The following ZNF638 variants were observed in gnomAD, a reference collection of about 807,000 sequenced individuals.
ZNF638 encodes the protein CTCL tumor antigen se33-1.
A neutral mutation model predicts 195.6 loss-of-function variants in ZNF638; 46 were observed. That is an observed-to-expected ratio of 0.24 (90% CI 0.19 to 0.30). ZNF638 has a LOEUF of 0.30. Among genes scored for constraint, ZNF638 ranks in the 10% least tolerant of loss-of-function variants. The pLI is 1.00. For synonymous variants in ZNF638, 845 were observed against 772.0 expected (o/e 1.09, Z -1.57); for missense variants, 2,440 against 2,325.3 (o/e 1.05, Z -1.01).
At chr2:71,384,291 A>G (rs2079593253) in intron 10 of ZNF638, among the ~76,000 whole-genome samples, 1 of 152,140 alleles carries the variant, frequency 6.6e-6, no homozygotes, top group African/African-American at 2.4e-5. Context: ...TTTATTATAC[A>G]CGTTGTTGCC....
intron 8 of ZNF638, among the ~76,000 whole-genome samples, chr2:71,378,761 A>G (rs1223709058): frequency 6.6e-6 from 1 of 152,206 alleles, no homozygotes. Context: ...AAGGTGATAT[A>G]TGAGCAAACA....
intron 1 of ZNF638, 26 bp from the exon 2 acceptor site, chr2:71,348,727 T>C: frequency 1.3e-6 from 2 of 1,496,118 alleles, no homozygotes; most frequent in Non-Finnish European, 1.8e-6. Context: ...GTTAAAATGA[T>C]CTAATATTTG....
chr2:71,406,395 A>T (rs2080106137), intron 19 of ZNF638, 133 bp downstream of exon 19: 1 of 780,776 alleles, frequency 1.3e-6, no homozygotes, highest in Admixed American at 2.9e-5. Flanking sequence ...ATTATTATAA[A>T]CCAGAATATT....
At chr2:71,362,696 C>T (rs916292934) in intron 3 of ZNF638, among the ~76,000 whole-genome samples, 7 of 152,176 alleles carry the variant, frequency 4.6e-5, no homozygotes, top group Admixed American at 3.3e-4. Flanking sequence ...ACTTGAAAAG[C>T]AACCCTTTCT....
intron 10 of ZNF638, chr2:71,388,468 C>G (rs916668558): frequency 5.8e-6 from 4 of 691,360 alleles, no homozygotes; most frequent in Non-Finnish European, 1.1e-5. Context: ...TGGCTCCAGG[C>G]CTTTGTCATT....
chr2:71,382,042 C>A (rs2079543023), intron 10 of ZNF638, among the ~76,000 whole-genome samples: 1 of 151,864 alleles, frequency 6.6e-6, no homozygotes, highest in South Asian at 2.1e-4. Flanking sequence ...GTAAAATTTG[C>A]ATTTTATTAT....
At chr2:71,407,409 G>A (rs891452214) in intron 19 of ZNF638, 2 of 152,218 alleles carry the variant, frequency 1.3e-5, no homozygotes, top group South Asian at 2.1e-4. Context: ...ACATTTTAAG[G>A]ATTGTTTTCT....
At chr2:71,411,782 A>T (rs2080234259) in intron 20 of ZNF638, among the ~76,000 whole-genome samples, 1 of 48,928 alleles carries the variant, frequency 2.0e-5, no homozygotes, top group Middle Eastern at 5.0e-3. Flanking sequence ...AATTTCATCC[A>T]TGTCCCTACA....
Position 71,349,699 on chromosome 2 carries a change from T to G in ZNF638, c.745T>G (p.Ser249Ala). The G allele has an allele frequency of 1.2e-6, 2 of 1,614,204 alleles. No individual in the cohort carries two copies. The highest frequency in any genetic ancestry group is 1.6e-4 in the Middle Eastern group (1 of 6,062). The change falls in exon 2 of 28, where the codon TCT becomes GCT. Residue 249 changes from serine to alanine, a missense_variant. Ser to Ala is a moderately conservative substitution (Grantham distance 99). Around this residue, in one of 5 missense-constraint regions of ZNF638, gnomAD observed 305 missense variants for 283.6 expected, o/e 1.08. Coordinates refer to ENST00000264447, the MANE Select transcript of ZNF638 (RefSeq NM_014497.5). ...ENEFQSQQNI[S>A]ASVPNPNVIC... ...TGAATTTCAGTCACAGCAGAACATT[T>G]CTGCATCTGTTCCCAATCCAAATGT... is the stretch of plus-strand genomic sequence containing the variant.
Position 71,351,173 on chromosome 2 carries a change from G to A in ZNF638, c.1317+902G>A, listed in dbSNP as rs543436645. On this transcript the variant is annotated intron_variant, in intron 2 of 27. Coordinates refer to ENST00000264447, the MANE Select transcript of ZNF638 (RefSeq NM_014497.5). ...GAAAAAGCTTTGATTCAAGGCCATGGCCTGGAATTGGTTGTATACTTAGGC... is the reference window on the plus strand; with the variant it reads ...GAAAAAGCTTTGATTCAAGGCCATGACCTGGAATTGGTTGTATACTTAGGC... Among the ~76,000 whole-genome samples the A allele has an allele frequency of 4.6e-5, 7 of 152,282 alleles. No homozygotes were observed. The East Asian group carries it at 1.4e-3, about 29-fold the overall frequency.
At chr2:71,343,233 CT>C (rs2078792534) in intron 1 of ZNF638, among the ~76,000 whole-genome samples, 1 of 152,100 alleles carries the variant, frequency 6.6e-6, no homozygotes, top group Admixed American at 6.5e-5. Flanking sequence ...AGGAACGCAA[CT>C]GTATTTTATT....
At chr2:71,338,929 A>G (rs1558825951) in intron 1 of ZNF638, among the ~76,000 whole-genome samples, 3 of 152,168 alleles carry the variant, frequency 2.0e-5, no homozygotes, top group African/African-American at 7.2e-5. Context: ...TAACATTACC[A>G]TATCCCTTCA....
chr2:71,341,755 G>A (rs1278477937), intron 1 of ZNF638: 8 of 152,046 alleles, frequency 5.3e-5, no homozygotes, highest in Admixed American at 3.9e-4. Context: ...TCCGATGAAC[G>A]AACCTCTTTA....
At chr2:71,425,475 T>C (rs547123047) in intron 23 of ZNF638, among the ~76,000 whole-genome samples, 1 of 152,180 alleles carries the variant, frequency 6.6e-6, no homozygotes, top group Non-Finnish European at 1.5e-5. Flanking sequence ...GTCGTTATTA[T>C]ATATAATAGC....
At chr2:71,410,001 C>A (rs188511696) in intron 20 of ZNF638, among the ~76,000 whole-genome samples, 6 of 152,210 alleles carry the variant, frequency 3.9e-5, no homozygotes, top group African/African-American at 1.4e-4. Flanking sequence ...TTTGCTCTTA[C>A]GTATTTCATT....
At chr2:71,366,271 G>A (rs894017776) in intron 6 of ZNF638, among the ~76,000 whole-genome samples, 1 of 151,708 alleles carries the variant, frequency 6.6e-6, no homozygotes, top group African/African-American at 2.4e-5. Flanking sequence ...CAGGTGGAAG[G>A]ATCACTTGAG....
chr2:71,423,309 A>G lies in ZNF638; in HGVS notation c.3795A>G (p.Val1265=). 1 of 1,613,976 alleles carries G rather than the reference A, an allele frequency of 6.2e-7. No individual in the cohort carries two copies. The highest frequency in any genetic ancestry group is 2.2e-5 in the East Asian group (1 of 44,872). ...CTATGGTAGAAGCTGTAGCTGAAGT[A>G]GAAAAAAATGAAACTGTTTCGGAAA... The part of the protein sequence containing the change: ...TQTMVEAVAE[V]EKNETVSEIL... The change falls in exon 22 of 28, where the codon GTA becomes GTG. Residue 1265 remains valine, a synonymous_variant. Transcript: ENST00000264447.
rs962730960 is a variant in ZNF638, at chr2:71,348,627, C to G, written c.-202-126C>G. 3.2e-6 allele frequency: 4 copies of G among 1,242,694 alleles called. No homozygotes were observed. In the South Asian group the frequency reaches 4.7e-5, roughly 15 times the overall value. The allele number at this position is 1,242,694 out of a possible 1,614,324, so 77.0% of individuals were successfully genotyped here. On this transcript the variant is annotated intron_variant, in intron 1 of 27. Coordinates refer to ENST00000264447, the MANE Select transcript of ZNF638 (RefSeq NM_014497.5). ...ATTTAAATCTTCGTAAGCCCTTACT[C>G]TAAAAGTATATGAAATGCAGAATGG...
At chr2:71,410,980 A>T (rs370181405) in intron 20 of ZNF638, among the ~76,000 whole-genome samples, 7 of 42,630 alleles carry the variant, frequency 1.6e-4, no homozygotes, top group African/African-American at 1.9e-4. Flanking sequence ...CCCACCCACC[A>T]CCTCCCCCCC....
Sources: allele counts gnomAD v4.1 joint callset (sites outside exome capture counted in the v4.1 genomes callset), GRCh38; gene constraint gnomAD v4.1.1; regional missense constraint gnomAD v4.1.1; transcripts MANE v1.5; gene names NCBI Gene and HGNC (gene_info 2026-07-23, HGNC 2026-07-21).